The following PTPRM variants were observed in gnomAD, a reference collection of about 807,000 sequenced individuals.
PTPRM encodes receptor-type tyrosine-protein phosphatase mu.
In PTPRM, 47 loss-of-function variants were observed where a neutral mutation model predicts 186.7. The observed-to-expected ratio is 0.25, with a 90% CI of 0.20 to 0.32. PTPRM has a LOEUF of 0.32. PTPRM is among the 10% of genes least tolerant of loss of function. The pLI is 1.00. For missense variants in PTPRM, 1,494 were observed against 1,865.0 expected (o/e 0.80, Z 3.66); for synonymous variants, 668 against 674.9 (o/e 0.99, Z 0.16).
chr18:7,954,818 T>C (rs1469211654), intron 6 of PTPRM, among the ~76,000 whole-genome samples: 1 of 152,190 alleles, frequency 6.6e-6, no homozygotes, highest in Non-Finnish European at 1.5e-5. Flanking sequence ...GTATTCACCA[T>C]TACAAAAAGT....
intron 2 of PTPRM, among the ~76,000 whole-genome samples, chr18:7,779,119 A>G (rs2042732530): frequency 6.6e-6 from 1 of 152,222 alleles, no homozygotes; most frequent in Admixed American, 6.5e-5. Context: ...TGTGAAGGTA[A>G]CTTATAATCA....
chr18:7,953,787 G>A (rs867065143), intron 6 of PTPRM, among the ~76,000 whole-genome samples: 24 of 152,296 alleles, frequency 1.6e-4, no homozygotes, highest in Middle Eastern at 3.4e-3. Context: ...TCTGCAGCAG[G>A]GAACATGGCT....
intron 32 of PTPRM, chr18:8,403,876 C>T (rs1390473685): frequency 6.6e-6 from 1 of 152,180 alleles, no homozygotes; most frequent in African/African-American, 2.4e-5. Flanking sequence ...TCAGTTCATC[C>T]ACGTTGTAAC....
chr18:8,340,995 C>G (rs1046252294), intron 22 of PTPRM, among the ~76,000 whole-genome samples: 1 of 152,138 alleles, frequency 6.6e-6, no homozygotes, highest in Non-Finnish European at 1.5e-5. Context: ...CTGAGCTAAG[C>G]TGAAAGCAGA....
chr18:8,128,801 A>G (rs1321914040), intron 13 of PTPRM, among the ~76,000 whole-genome samples: 1 of 152,146 alleles, frequency 6.6e-6, no homozygotes, highest in Non-Finnish European at 1.5e-5. Flanking sequence ...TTCCATTTGT[A>G]TTATGTAAAC....
At chr18:8,262,026 TCC>T (rs1297464012) in intron 19 of PTPRM, among the ~76,000 whole-genome samples, 5 of 43,168 alleles carry the variant, frequency 1.2e-4, no homozygotes, top group Non-Finnish European at 1.0e-4. Context: ...GTACTGGTCC[TCC>T]TGCTTTTGAT....
At chr18:8,196,303 CAA>C (rs940859204) in intron 14 of PTPRM, among the ~76,000 whole-genome samples, 2 of 152,296 alleles carry the variant, frequency 1.3e-5, no homozygotes, top group African/African-American at 4.8e-5. Context: ...ACAGATGTAA[CAA>C]GAGCTGTCAG....
intron 1 of PTPRM, among the ~76,000 whole-genome samples, chr18:7,688,043 T>TG (rs1246558686): frequency 2.0e-5 from 3 of 152,124 alleles, no homozygotes; most frequent in African/African-American, 7.2e-5. Flanking sequence ...CCCAAAGTGC[T>TG]GGATTACAGG....
At chr18:8,017,713 G>A (rs1398541174) in intron 7 of PTPRM, 2 of 152,078 alleles carry the variant, frequency 1.3e-5, no homozygotes, top group Admixed American at 6.6e-5. Flanking sequence ...CCCAGGAGCA[G>A]GTATCATGAG....
intron 4 of PTPRM, among the ~76,000 whole-genome samples, chr18:7,918,876 T>C (rs2050707186): frequency 6.6e-6 from 1 of 152,220 alleles, no homozygotes; most frequent in Non-Finnish European, 1.5e-5. Flanking sequence ...CAGACCAATG[T>C]TCTGGAATGT....
chr18:7,567,872 G>A lies in PTPRM; in HGVS notation c.54G>A (p.Ala18=), dbSNP rs1419630079. 4.5e-6 allele frequency: 7 copies of A among 1,562,072 alleles called. No individual in the cohort carries two copies. Among genetic ancestry groups the A allele is most frequent in the East Asian group, 5.3e-5 (2 of 37,686 alleles). ...LATLAGLLLT[A]AGETFSGGCL... ...CTTTGGCCGGACTTTTGCTAACTGC[G>A]GCGGGCGAGACGTTCTCAGGTAAGC... The change falls in exon 1 of 33, where the codon GCG becomes GCA. Residue 18 remains alanine, a synonymous_variant. Transcript: ENST00000580170. This position sits in a 1 kb window ranked among gnomAD's most constrained non-coding sequence, Gnocchi z 4.3.
At chr18:8,057,052 A>G (rs184942423) in intron 7 of PTPRM, among the ~76,000 whole-genome samples, 186 of 151,660 alleles carry the variant, frequency 1.2e-3, no homozygotes, top group Admixed American at 2.6e-3. Flanking sequence ...CAACTCTGCT[A>G]TATTGAATGA....
At chr18:7,741,552 C>T (rs888071957) in intron 1 of PTPRM, 2 of 152,156 alleles carry the variant, frequency 1.3e-5, no homozygotes, top group Admixed American at 6.5e-5. Flanking sequence ...TTTCAGTTAA[C>T]GAAAACACAT....
At chr18:7,583,628 T>TA (rs1462645251) in intron 1 of PTPRM, among the ~76,000 whole-genome samples, 1 of 152,248 alleles carries the variant, frequency 6.6e-6, no homozygotes, top group African/African-American at 2.4e-5. Context: ...GAAAAATACT[T>TA]AGCTTCTTAG....
chr18:8,072,716 T>TG (rs1409660662), intron 8 of PTPRM, among the ~76,000 whole-genome samples: 2 of 152,078 alleles, frequency 1.3e-5, no homozygotes, highest in African/African-American at 4.8e-5. Context: ...AGAAATTGTG[T>TG]GGGAAAAAAT....
At chr18:7,912,502 T>C (rs963654311) in intron 4 of PTPRM, among the ~76,000 whole-genome samples, 1 of 152,082 alleles carries the variant, frequency 6.6e-6, no homozygotes, top group Admixed American at 6.6e-5. Flanking sequence ...TTGGCTATTC[T>C]GAATCCTTTG....
rs1380222928 is a variant in PTPRM, at chr18:8,247,049, A to G, written c.2453-796A>G. Among the ~76,000 whole-genome samples the G allele has an allele frequency of 2.0e-5, 3 of 152,224 alleles. No individual in the cohort carries two copies. In the East Asian group the frequency reaches 5.8e-4, roughly 29 times the overall value. On this transcript the variant is annotated intron_variant, in intron 15 of 32. Transcript: ENST00000580170. ...CACCTTGAGCAACTTTCAAGTCTTTATACTTTAATGAAATTAAACTGTTTT... is the reference window on the plus strand; with the variant it reads ...CACCTTGAGCAACTTTCAAGTCTTTGTACTTTAATGAAATTAAACTGTTTT...
At position 7,973,547 on chromosome 18, in the gene PTPRM, A is replaced by T. The variant is rs556554435; in HGVS notation, c.1132+18133A>T. 4.6e-5 allele frequency among the ~76,000 whole-genome samples: 7 copies of T among 152,198 alleles called. No individual in the cohort carries two copies. In the South Asian group the frequency reaches 1.5e-3, roughly 32 times the overall value. ...CATTTCTGTCCTTAGGATGCTTTCT[A>T]ATCTTTTCCTTTTTAAATTGTAGGG... is the stretch of plus-strand genomic sequence containing the variant. On this transcript the variant is annotated intron_variant, in intron 7 of 32. Coordinates refer to ENST00000580170, the MANE Select transcript of PTPRM (RefSeq NM_001105244.2).
chr18:8,356,951 T>C (rs1225248118), intron 23 of PTPRM, among the ~76,000 whole-genome samples: 1 of 152,250 alleles, frequency 6.6e-6, no homozygotes, highest in Non-Finnish European at 1.5e-5. Context: ...TATTTTCCTG[T>C]TTGCTGTTTA....
Sources: allele counts gnomAD v4.1 joint callset (sites outside exome capture counted in the v4.1 genomes callset), GRCh38; gene constraint gnomAD v4.1.1; non-coding constraint Gnocchi (gnomAD v3.1); transcripts MANE v1.5; gene names NCBI Gene and HGNC (gene_info 2026-07-23, HGNC 2026-07-21).